Variants in CEP250 observed in about 807,000 individuals in gnomAD.
CEP250 encodes the protein centrosomal protein 250.
Under a neutral mutation model 315.7 loss-of-function variants are expected in CEP250, and 242 were observed. The ratio of observed to expected loss-of-function variants is 0.77; its 90% CI spans 0.69 to 0.85. The LOEUF is 0.85. Among genes scored for constraint, CEP250 ranks in the 40% least tolerant of loss-of-function variants. The pLI, the probability that CEP250 is intolerant of heterozygous loss-of-function variation, is 0.00. For missense variants in CEP250, 2,515 were observed against 2,886.4 expected (o/e 0.87, Z 2.95); for synonymous variants, 1,088 against 1,175.0 (o/e 0.93, Z 1.51).
chr20:35,499,022 C>G (rs2063927370), intron 27 of CEP250, among the ~76,000 whole-genome samples: 1 of 152,116 alleles, frequency 6.6e-6, no homozygotes, highest in Non-Finnish European at 1.5e-5. Flanking sequence ...TGCCTGTAAT[C>G]CCAGTGCTTT....
chr20:35,498,041 C>T lies in CEP250; in HGVS notation c.3629C>T (p.Ala1210Val), dbSNP rs199592435. 185 of 1,587,394 alleles carry T rather than the reference C, an allele frequency of 1.2e-4. No homozygotes were observed. Among genetic ancestry groups the T allele is most frequent in the Non-Finnish European group, 1.5e-4 (180 of 1,162,396 alleles). ...RPELSGGGDSAPSVWGLEPDQ... is the reference protein window; with the variant it reads ...RPELSGGGDSVPSVWGLEPDQ... The stretch of plus-strand genomic sequence containing the variant: ...GAGCTGAGTGGTGGGGGAGACTCTG[C>T]TCCTTCCGTCTGGGGCCTTGAGCCA... Residue 1210 changes from alanine (A) to valine (V), a missense_variant, in exon 26 of 35, where the codon GCT (alanine) becomes GTT (valine). Coordinates refer to ENST00000397527, the MANE Select transcript of CEP250 (RefSeq NM_007186.6).
intron 2 of CEP250, among the ~76,000 whole-genome samples, 184 bp from the exon 3 acceptor site, chr20:35,459,799 T>A (rs951527445): frequency 2.0e-5 from 3 of 152,050 alleles, no homozygotes; most frequent in African/African-American, 7.2e-5. Context: ...AATAATAGGA[T>A]AATATTAGCA....
At chr20:35,456,672 A>C (rs1404037295) in intron 1 of CEP250, among the ~76,000 whole-genome samples, 1 of 152,170 alleles carries the variant, frequency 6.6e-6, no homozygotes, top group Non-Finnish European at 1.5e-5. Flanking sequence ...TAACTAATGT[A>C]ATGTTCATGC....
intron 4 of CEP250, among the ~76,000 whole-genome samples, chr20:35,462,924 G>A (rs1460828651): frequency 6.6e-6 from 1 of 152,040 alleles, no homozygotes; most frequent in Non-Finnish European, 1.5e-5. Context: ...ACCACTTTTG[G>A]CTAATATATC....
rs763148408 is a variant in CEP250, at chr20:35,491,163, G to A, written c.2755-49G>A. 35 of 1,594,166 alleles carry A rather than the reference G, an allele frequency of 2.2e-5. No individual in the cohort carries two copies. In the South Asian group the frequency reaches 3.6e-4, roughly 16 times the overall value. On this transcript the variant is annotated intron_variant, in intron 21 of 34. Coordinates refer to ENST00000397527, the MANE Select transcript of CEP250 (RefSeq NM_007186.6). ...GATGTGCTTGTGGCCTCGTTGGTGAGCATGGTAATCCTGAGCCCACAAGCT... is the reference window on the plus strand; with the variant it reads ...GATGTGCTTGTGGCCTCGTTGGTGAACATGGTAATCCTGAGCCCACAAGCT...
Position 35,516,885 on chromosome 20 carries a change from C to A in CEP250, c.*5259C>A. The A allele has an allele frequency of 1.6e-6, 1 of 613,886 alleles. No homozygotes were observed. Among genetic ancestry groups the A allele is most frequent in the Non-Finnish European group, 2.0e-6 (1 of 490,526 alleles). The allele number at this position is 613,886 out of a possible 1,614,324, so 38.0% of individuals were successfully genotyped here. On this transcript the variant is annotated 3_prime_UTR_variant, in exon 35 of 35. Transcript: ENST00000397527. ...GAAGCAATGGCAGGTGTTATCCATT[C>A]ATTCAGGTTAGACCTCTGAGCAGAC... is the stretch of plus-strand genomic sequence containing the variant.
In CEP250 at chr20:35,491,282, C is replaced by T. The variant is rs768911220; in HGVS notation, c.2825C>T (p.Ala942Val). ...CTGCTGCAGACGCAGAAGGAGCTAG[C>T]AGATGCCAGCCAACAACTGGAACGA... The part of the protein sequence containing the change: ...ETLLQTQKEL[A>V]DASQQLERLR... The change falls in exon 22 of 35, where the codon GCA (alanine) becomes GTA (valine). Residue 942 changes from alanine to valine, a missense_variant. Ala to Val is a moderately conservative substitution (Grantham distance 64). Coordinates refer to ENST00000397527, the MANE Select transcript of CEP250 (RefSeq NM_007186.6). 1.0e-5 allele frequency: 16 copies of T among 1,605,830 alleles called. No homozygotes were observed. The highest frequency in any genetic ancestry group is 8.5e-6 in the Non-Finnish European group (10 of 1,175,784).
chr20:35,478,062 C>T lies in CEP250; in HGVS notation c.2055C>T (p.Ile685=), dbSNP rs781682001. ...GAELQADLRD[I]QEEKEEIQKK... ...AGCTGCAGGCAGATCTCAGGGACAT[C>T]CAAGAAGAGAAGGAAGAAATTCAAA... Residue 685 remains isoleucine (I), a synonymous_variant, in exon 17 of 35, where the codon ATC becomes ATT. Transcript: ENST00000397527. 8 of 1,613,864 alleles carry T rather than the reference C, an allele frequency of 5.0e-6. No homozygotes were observed. In the East Asian group the frequency reaches 1.6e-4, roughly 31 times the overall value.
Position 35,504,473 on chromosome 20 carries a change from A to C in CEP250, c.6104A>C (p.Glu2035Ala), listed in dbSNP as rs1789405594. ...CAGGACCAGGATCTCCGATACCAGG[A>C]GGATGTGCAGCAGCTGCAGCAGGCA... ...EIQDQDLRYQ[E>A]DVQQLQQALA... The change falls in exon 30 of 35, where the codon GAG becomes GCG. Residue 2035 changes from glutamate (E) to alanine (A), a missense_variant. Physicochemically the swap from Glu to Ala is moderately radical, Grantham distance 107. Transcript: ENST00000397527. 2 of 1,613,434 alleles carry C rather than the reference A, an allele frequency of 1.2e-6. No individual in the cohort carries two copies. The highest frequency in any genetic ancestry group is 1.7e-5 in the Admixed American group (1 of 59,892).
In CEP250 at chr20:35,502,505, A is replaced by G. The variant is rs568891852; in HGVS notation, c.4136A>G (p.Glu1379Gly). Residue 1379 changes from glutamate to glycine, a missense_variant, in exon 30 of 35, where the codon GAA becomes GGA. Transcript: ENST00000397527. ...GCAAGTGCTGCTGGCATCCTGGAAG[A>G]AGACCTGAGAACGGCTCGCTCAGCA... ...AQASAAGILE[E>G]DLRTARSALK... 1.2e-6 allele frequency: 2 copies of G among 1,614,124 alleles called. No individual in the cohort carries two copies. The highest frequency in any genetic ancestry group is 2.7e-5 in the African/African-American group (2 of 74,952).
intron 33 of CEP250, among the ~76,000 whole-genome samples, chr20:35,509,562 G>T (rs2064296562): frequency 6.6e-6 from 1 of 152,184 alleles, no homozygotes; most frequent in Non-Finnish European, 1.5e-5. Flanking sequence ...ACAGACACAG[G>T]CTTGCAGCCT....
intron 20 of CEP250, among the ~76,000 whole-genome samples, chr20:35,487,048 C>T (rs1038760879): frequency 4.6e-5 from 7 of 152,318 alleles, no homozygotes; most frequent in African/African-American, 1.7e-4. Flanking sequence ...GCTAATCCTC[C>T]TGACTTCTGA....
At position 35,465,839 on chromosome 20, in the gene CEP250, A is replaced by G. The variant is rs753370220; in HGVS notation, c.326+14A>G. On this transcript the variant is annotated intron_variant, in intron 6 of 34. Coordinates refer to ENST00000397527, the MANE Select transcript of CEP250 (RefSeq NM_007186.6). Reference sequence around the variant, plus strand: ...GGAGCAACAGAGGTGATGGACCCCAAACTTTCTGACCTGGGTGATTGGCCA... The same window carrying G: ...GGAGCAACAGAGGTGATGGACCCCAGACTTTCTGACCTGGGTGATTGGCCA... 72 of 1,599,402 alleles carry G rather than the reference A, an allele frequency of 4.5e-5. No individual in the cohort carries two copies. The South Asian group carries it at 4.9e-4, about 11-fold the overall frequency.
At chr20:35,489,732 A>G (rs2063630025) in intron 20 of CEP250, among the ~76,000 whole-genome samples, 1 of 152,206 alleles carries the variant, frequency 6.6e-6, no homozygotes, top group South Asian at 2.1e-4. Flanking sequence ...ATGCTCTTAT[A>G]TAATACAGGG....
intron 28 of CEP250, 104 bp downstream of exon 28, chr20:35,500,273 T>C (rs2063966353): frequency 7.0e-7 from 1 of 1,427,092 alleles, no homozygotes; most frequent in African/African-American, 1.4e-5. Context: ...TTATTTTATT[T>C]TATTTTTGAG....
chr20:35,467,546 T>A lies in CEP250; in HGVS notation c.842T>A (p.Leu281His). 1.2e-6 allele frequency: 2 copies of A among 1,613,512 alleles called. No homozygotes were observed. Among genetic ancestry groups the A allele is most frequent in the Admixed American group, 3.3e-5 (2 of 60,008 alleles). The change falls in exon 9 of 35, where the codon CTT (leucine) becomes CAT (histidine). Residue 281 changes from leucine (L) to histidine (H), a missense_variant. Leu to His is a moderately conservative substitution (Grantham distance 99). Transcript: ENST00000397527. ...KSQGDLEKAE[L>H]QDRVTELSAL... ...CAAGGGGATCTGGAGAAGGCTGAAC[T>A]TCAGGACCGGTGAGATGGCCTGGGG...
intron 31 of CEP250, 21 bp from the exon 32 acceptor site, chr20:35,508,014 A>T (rs377645130): frequency 3.1e-6 from 5 of 1,613,876 alleles, no homozygotes; most frequent in African/African-American, 1.3e-5. Context: ...CCCAGGTGAG[A>T]TTCACAGGTC....
chr20:35,494,714 T>C, intron 24 of CEP250, 57 bp downstream of exon 24: 3 of 1,598,880 alleles, frequency 1.9e-6, no homozygotes, highest in Non-Finnish European at 2.6e-6. Flanking sequence ...ATGGTCACTG[T>C]GATATTGACA....
rs768825456 is a variant in CEP250, at chr20:35,504,441, T to C, written c.6072T>C (p.Gly2024=). Residue 2024 remains glycine (G), a synonymous_variant, in exon 30 of 35, where the codon GGT becomes GGC. Coordinates refer to ENST00000397527, the MANE Select transcript of CEP250 (RefSeq NM_007186.6). ...AGGAGGCTCTGAGGATACAAGAAGG[T>C]GAGATCCAGGACCAGGATCTCCGAT... ...QLEEALRIQE[G]EIQDQDLRYQ... 1.9e-6 allele frequency: 3 copies of C among 1,611,176 alleles called. No homozygotes were observed. The East Asian group carries it at 6.7e-5, about 36-fold the overall frequency.
Sources: gnomAD v4.1 joint callset for allele counts (sites outside exome capture counted in the v4.1 genomes callset) on GRCh38, gnomAD v4.1.1 for gene constraint, MANE v1.5 for transcripts, NCBI Gene and HGNC (gene_info 2026-07-23, HGNC 2026-07-21) for gene names.